Variants in NREP observed in about 807,000 individuals in gnomAD.
NREP encodes neuronal regeneration related protein.
A neutral mutation model predicts 8.6 loss-of-function variants in NREP; 5 were observed. The observed-to-expected ratio is 0.58, with a 90% CI of 0.30 to 1.22. NREP has a LOEUF of 1.22. NREP is among the 50% of genes most tolerant of loss of function. The pLI is 0.07. For missense variants in NREP, 86 were observed against 82.5 expected, an observed-to-expected ratio of 1.04 and a Z score of -0.17; for synonymous variants, 27 against 28.0, an observed-to-expected ratio of 0.96 and a Z score of 0.11.
chr5:111,840,205 A>G (rs1752995468), intron 2 of NREP, among the ~76,000 whole-genome samples: 1 of 152,058 alleles, frequency 6.6e-6, no homozygotes, highest in South Asian at 2.1e-4. Flanking sequence ...AGGGGTATAT[A>G]ACACGGTTCA....
At chr5:111,886,355 C>T (rs1025815997) in intron 2 of NREP, among the ~76,000 whole-genome samples, 38 of 151,384 alleles carry the variant, frequency 2.5e-4, no homozygotes, top group South Asian at 6.2e-4. Flanking sequence ...GAAATAGGAA[C>T]ACTTTTACAC....
chr5:111,823,583 T>C (rs1752557171), intron 2 of NREP, among the ~76,000 whole-genome samples: 1 of 152,244 alleles, frequency 6.6e-6, no homozygotes, highest in African/African-American at 2.4e-5. Context: ...ATGTGTATTA[T>C]GTTATTTAAT....
chr5:111,875,202 T>G (rs1279261521), intron 2 of NREP, among the ~76,000 whole-genome samples: 1 of 152,182 alleles, frequency 6.6e-6, no homozygotes, highest in Non-Finnish European at 1.5e-5. Flanking sequence ...TGAAGCTTCT[T>G]AGAATTTTAT....
rs149825707 is a variant in NREP at position 111,969,189 on chromosome 5, A to G, written c.135+6085T>C. Among the ~76,000 whole-genome samples, 133 of 152,368 alleles carry G rather than the reference A, an allele frequency of 8.7e-4. 1 individual carries two copies. Among genetic ancestry groups the G allele is most frequent in the African/African-American group, 3.1e-3 (127 of 41,584 alleles). ...AACACAGAATGTTGCCTGCTCAATG[A>G]CACGGTTAAAAATATTGAACTTGTG... On this transcript the variant is annotated intron_variant, in intron 2 of 3. Coordinates refer to the NREP transcript ENST00000395634.
intron 2 of NREP, among the ~76,000 whole-genome samples, chr5:111,735,763 AGCAG>A (rs1485172718): frequency 1.3e-5 from 2 of 152,244 alleles, no homozygotes; most frequent in African/African-American, 2.4e-5. Flanking sequence ...TGTTATTTTT[AGCAG>A]GCAAAGTAGC....
chr5:111,735,678 C>T (rs1023502122), intron 2 of NREP, among the ~76,000 whole-genome samples, 171 bp from the exon 3 acceptor site: 2 of 152,222 alleles, frequency 1.3e-5, no homozygotes, highest in African/African-American at 4.8e-5. Context: ...TGCTTCTGAA[C>T]ACGCACTGCA....
intron 2 of NREP, among the ~76,000 whole-genome samples, chr5:111,776,004 A>G (rs1396598049): frequency 2.0e-5 from 3 of 152,142 alleles, no homozygotes. Context: ...AACCATAAAA[A>G]TGTAATTTAT....
chr5:111,757,396 G>A (rs1273361401), upstream of NREP: 2 of 973,696 alleles, frequency 2.1e-6, no homozygotes, highest in African/African-American at 3.5e-5. Context: ...CTCTCTCCAA[G>A]AGTGTGTGTG....
chr5:111,770,250 G>A (rs77305946), intron 2 of NREP, among the ~76,000 whole-genome samples: 5 of 152,222 alleles, frequency 3.3e-5, no homozygotes, highest in African/African-American at 7.2e-5. Context: ...CTTTCAAAAA[G>A]TGAGTTTATA....
chr5:111,808,195 C>T (rs779246169), intron 2 of NREP, among the ~76,000 whole-genome samples: 3 of 152,198 alleles, frequency 2.0e-5, no homozygotes, highest in Non-Finnish European at 4.4e-5. Flanking sequence ...TAGGCTTCTC[C>T]TCCAATGGGC....
At chr5:111,752,320 C>T (rs928474704) in intron 2 of NREP, among the ~76,000 whole-genome samples, 1 of 152,156 alleles carries the variant, frequency 6.6e-6, no homozygotes, top group African/African-American at 2.4e-5. Context: ...AATAGACTAT[C>T]CCAACTGTCC....
intron 2 of NREP, among the ~76,000 whole-genome samples, chr5:111,741,329 G>A (rs1289021199): frequency 1.3e-5 from 2 of 152,162 alleles, no homozygotes; most frequent in African/African-American, 2.4e-5. Flanking sequence ...AGGAGGTTGT[G>A]AAACCTAGTA....
intron 3 of NREP, chr5:111,734,746 CA>C: frequency 1.4e-6 from 1 of 699,642 alleles, no homozygotes; most frequent in Non-Finnish European, 2.6e-6. Flanking sequence ...TTCTTAACTG[CA>C]AAATCAGCAA....
intron 2 of NREP, among the ~76,000 whole-genome samples, chr5:111,788,668 T>C (rs909147609): frequency 6.6e-6 from 1 of 152,212 alleles, no homozygotes; most frequent in African/African-American, 2.4e-5. Context: ...TCATAGGTAA[T>C]ATCTGGGCTA....
intron 2 of NREP, among the ~76,000 whole-genome samples, chr5:111,814,470 T>C (rs542429102): frequency 1.3e-5 from 2 of 152,240 alleles, no homozygotes; most frequent in Admixed American, 6.5e-5. Context: ...TTCCCCTCCA[T>C]TGCCTCCGTA....
rs1462415022 is a variant in NREP, at chr5:111,845,299, T to C, written c.136-109792A>G. Reference sequence around the variant, plus strand: ...CATCTTTTTTTTTTTTTAATTTCTGTGCCCTACACAGGTGCTATAATCTCT... The same window carrying C: ...CATCTTTTTTTTTTTTTAATTTCTGCGCCCTACACAGGTGCTATAATCTCT... On this transcript the variant is annotated intron_variant, in intron 2 of 3. Coordinates refer to the NREP transcript ENST00000395634. Among the ~76,000 whole-genome samples, 3 of 151,622 alleles carry C rather than the reference T, an allele frequency of 2.0e-5. No individual in the cohort carries two copies. The East Asian group carries it at 5.8e-4, about 29-fold the overall frequency.
intron 2 of NREP, among the ~76,000 whole-genome samples, chr5:111,836,978 A>T (rs1458870523): frequency 1.3e-5 from 2 of 152,124 alleles, no homozygotes; most frequent in Non-Finnish European, 2.9e-5. Context: ...AGGAAGAAAG[A>T]AGACTTGAAT....
At chr5:111,909,029 T>C (rs1754843398) in intron 2 of NREP, among the ~76,000 whole-genome samples, 1 of 152,120 alleles carries the variant, frequency 6.6e-6, no homozygotes, top group African/African-American at 2.4e-5. Flanking sequence ...GGTCTTCTTT[T>C]GAGAAGTGTC....
chr5:111,860,279 C>G (rs1273543125), intron 2 of NREP, among the ~76,000 whole-genome samples: 2 of 152,084 alleles, frequency 1.3e-5, no homozygotes, highest in African/African-American at 4.8e-5. Context: ...CCTTAGTGCC[C>G]CCTTTGATTG....
Sources: allele counts gnomAD v4.1 joint callset (sites outside exome capture counted in the v4.1 genomes callset), GRCh38; gene constraint gnomAD v4.1.1; transcripts MANE v1.5; gene names NCBI Gene and HGNC (gene_info 2026-07-23, HGNC 2026-07-21).